Variants in CCDC172 observed in about 807,000 individuals in gnomAD.
The protein encoded by CCDC172 is coiled-coil domain-containing protein 172.
Under a neutral mutation model 38.0 loss-of-function variants are expected in CCDC172, and 30 were observed. The ratio of observed to expected loss-of-function variants is 0.79; its 90% CI spans 0.59 to 1.07. The LOEUF (loss-of-function observed/expected upper bound fraction) is 1.07. Among genes scored for constraint, CCDC172 ranks in the 50% least tolerant of loss-of-function variants. The probability of loss-of-function intolerance (pLI) is 0.00; values close to 1 mark genes in which losing one functional copy is unlikely to be tolerated. For missense variants in CCDC172, 297 were observed against 290.1 expected (o/e 1.02, Z -0.17); for synonymous variants, 78 against 88.3 (o/e 0.88, Z 0.66).
At position 116,332,409 on chromosome 10, in the gene CCDC172, A is replaced by T. The variant is rs200182073; in HGVS notation, c.165+7021A>T. The stretch of plus-strand genomic sequence containing the variant: ...GTCATTCTTGAGTTCTTATTTTTTT[A>T]TTTGTTTTTTGATGAGTCTGTAATT... On this transcript the variant is annotated intron_variant, in intron 3 of 8. Coordinates refer to ENST00000333254, the MANE Select transcript of CCDC172 (RefSeq NM_198515.3). Among the ~76,000 whole-genome samples, 13 of 151,924 alleles carry T rather than the reference A, an allele frequency of 8.6e-5. No homozygotes were observed. In the East Asian group the frequency reaches 2.5e-3, roughly 29 times the overall value.
intron 5 of CCDC172, among the ~76,000 whole-genome samples, chr10:116,345,430 G>T (rs922664162): frequency 6.6e-6 from 1 of 151,952 alleles, no homozygotes; most frequent in East Asian, 1.9e-4. Context: ...CTTGGAATAG[G>T]CAATGATTTC....
chr10:116,365,590 C>T (rs1325027872), intron 7 of CCDC172, among the ~76,000 whole-genome samples: 2 of 152,148 alleles, frequency 1.3e-5, no homozygotes, highest in African/African-American at 4.8e-5. Flanking sequence ...GGTTTTTATA[C>T]ATGTGTAAAT....
chr10:116,332,550 C>A (rs1844677349), intron 3 of CCDC172, among the ~76,000 whole-genome samples: 1 of 152,062 alleles, frequency 6.6e-6, no homozygotes, highest in Non-Finnish European at 1.5e-5. Flanking sequence ...TTGAGTCAAA[C>A]CTTTTTTTAC....
chr10:116,343,675 T>C (rs1368175173), intron 5 of CCDC172, among the ~76,000 whole-genome samples: 1 of 152,148 alleles, frequency 6.6e-6, no homozygotes, highest in Non-Finnish European at 1.5e-5. Flanking sequence ...AATACAGTGC[T>C]CTTAAAAACT....
At chr10:116,331,317 T>C (rs966660924) in intron 3 of CCDC172, among the ~76,000 whole-genome samples, 7 of 152,142 alleles carry the variant, frequency 4.6e-5, no homozygotes, top group Non-Finnish European at 8.8e-5. Flanking sequence ...GACCCAAAAA[T>C]TTGAGGCCCC....
Position 116,357,913 on chromosome 10 carries a change from C to G in CCDC172, c.628C>G (p.Pro210Ala). 1.3e-6 allele frequency: 2 copies of G among 1,574,792 alleles called. No individual in the cohort carries two copies. Among genetic ancestry groups the G allele is most frequent in the South Asian group, 1.2e-5 (1 of 86,462 alleles). ...AGAAAAAATAAAAATCAGTGAAAAG[C>G]CTCAAAATGATACAGAATGCTTAAG... The part of the protein sequence containing the change: ...EAEKIKISEK[P>A]QNDTECLRLK... The change falls in exon 7 of 9, where the codon CCT (proline) becomes GCT (alanine). Residue 210 changes from proline (P) to alanine (A), a missense_variant. Physicochemically the swap from Pro to Ala is conservative, Grantham distance 27. Coordinates refer to ENST00000333254, the MANE Select transcript of CCDC172 (RefSeq NM_198515.3).
chr10:116,338,887 A>G (rs1373675408), intron 3 of CCDC172, among the ~76,000 whole-genome samples: 2 of 152,098 alleles, frequency 1.3e-5, no homozygotes, highest in Non-Finnish European at 2.9e-5. Context: ...GATCAGTGGT[A>G]TACATGGACT....
chr10:116,346,317 TA>T (rs1844867103), intron 5 of CCDC172, among the ~76,000 whole-genome samples: 1 of 139,208 alleles, frequency 7.2e-6, no homozygotes, highest in South Asian at 2.2e-4. Context: ...AAAAAGGAAG[TA>T]AATGGTTAAA....
intron 3 of CCDC172, among the ~76,000 whole-genome samples, chr10:116,331,288 G>T (rs893252500): frequency 1.3e-5 from 2 of 151,992 alleles, no homozygotes; most frequent in Non-Finnish European, 2.9e-5. Flanking sequence ...TAATTTTTTA[G>T]ACTATGAAGA....
chr10:116,362,560 G>T lies in CCDC172; in HGVS notation c.653+4622G>T, dbSNP rs550055355. On this transcript the variant is annotated intron_variant, in intron 7 of 8. Coordinates refer to ENST00000333254, the MANE Select transcript of CCDC172 (RefSeq NM_198515.3). ...TAGAGTAATATGAATTGTTACCCAG[G>T]TTCCATTTATAAAATAGTCTACATT... 2.0e-5 allele frequency among the ~76,000 whole-genome samples: 3 copies of T among 152,218 alleles called. No homozygotes were observed. The South Asian group carries it at 6.2e-4, about 32-fold the overall frequency.
At position 116,342,310 on chromosome 10, in the gene CCDC172, A is replaced by G. The variant is rs1056334691; in HGVS notation, c.448+109A>G. ...TTTCATGAGCAAATTGGGTTATTGCATAGCGATTCTTTTACTTTTATTGAT... is the reference window on the plus strand; with the variant it reads ...TTTCATGAGCAAATTGGGTTATTGCGTAGCGATTCTTTTACTTTTATTGAT... On this transcript the variant is annotated intron_variant, in intron 5 of 8. Transcript: ENST00000333254. 7.3e-6 allele frequency: 6 copies of G among 827,290 alleles called. No homozygotes were observed. In the Admixed American group the frequency reaches 9.3e-5, roughly 13 times the overall value. 51.2% of individuals were successfully genotyped at this position (827,290 alleles called of 1,614,324 possible). A position where few individuals can be genotyped will look rare whatever the true frequency, so the allele number is the denominator to read the frequency against.
intron 7 of CCDC172, among the ~76,000 whole-genome samples, chr10:116,363,051 C>T (rs1488644265): frequency 2.0e-5 from 3 of 152,184 alleles, no homozygotes; most frequent in African/African-American, 7.2e-5. Context: ...TTTTATTATA[C>T]AAGCCATACA....
chr10:116,378,545 C>A lies in CCDC172; in HGVS notation c.741+35C>A, dbSNP rs142386782. 929 of 1,531,082 alleles carry A rather than the reference C, an allele frequency of 6.1e-4. 6 individuals are homozygous for A. The African/African-American group carries it at 0.012, about 19-fold the overall frequency. 94.8% of individuals were successfully genotyped at this position (1,531,082 alleles called of 1,614,324 possible). A position where few individuals can be genotyped will look rare whatever the true frequency, so the allele number is the denominator to read the frequency against. On this transcript the variant is annotated intron_variant, in intron 8 of 8. Transcript: ENST00000333254. ...CATTGATTGTTTAACTTTTGTTCAG[C>A]ATTATTTTACCTACTGGTAAGGAAC...
intron 3 of CCDC172, among the ~76,000 whole-genome samples, chr10:116,325,968 AAGT>A (rs1844586593): frequency 1.3e-5 from 2 of 152,174 alleles, no homozygotes; most frequent in South Asian, 4.1e-4. Flanking sequence ...AAATAGAAGG[AAGT>A]AGTAGGAGGA....
chr10:116,342,658 C>G (rs999903539), intron 5 of CCDC172, among the ~76,000 whole-genome samples: 1 of 152,052 alleles, frequency 6.6e-6, no homozygotes, highest in Non-Finnish European at 1.5e-5. Context: ...GTCTGTGTCC[C>G]CATGCAAATG....
In CCDC172 at chr10:116,357,426, A is replaced by T; in HGVS notation, c.495A>T (p.Gln165His). 6.3e-7 allele frequency: 1 copy of T among 1,585,676 alleles called. No homozygotes were observed. Among genetic ancestry groups the T allele is most frequent in the Non-Finnish European group, 8.6e-7 (1 of 1,168,502 alleles). The change falls in exon 6 of 9, where the codon CAA becomes CAT. Residue 165 changes from glutamine (Q) to histidine (H), a missense_variant. Physicochemically the swap from Gln to His is conservative, Grantham distance 24. Coordinates refer to ENST00000333254, the MANE Select transcript of CCDC172 (RefSeq NM_198515.3). Reference sequence around the variant, plus strand: ...ATAGTAGCCAGTTAAATGAACTTCAAAAACAAAAGAGTGAATTGATACAAG... The same window carrying T: ...ATAGTAGCCAGTTAAATGAACTTCATAAACAAAAGAGTGAATTGATACAAG... ...EHDSSQLNELQKQKSELIQEL... is the reference protein window; with the variant it reads ...EHDSSQLNELHKQKSELIQEL...
chr10:116,368,006 G>A (rs1845143987), intron 7 of CCDC172, among the ~76,000 whole-genome samples: 1 of 152,006 alleles, frequency 6.6e-6, no homozygotes, highest in Admixed American at 6.6e-5. Context: ...GTACTTATTT[G>A]TTCCTTTGAG....
chr10:116,330,514 A>G (rs751223703), intron 3 of CCDC172, among the ~76,000 whole-genome samples: 6 of 152,180 alleles, frequency 3.9e-5, no homozygotes, highest in Non-Finnish European at 8.8e-5. Context: ...ATAACATAGA[A>G]TGAAAAGTTC....
Position 116,325,329 on chromosome 10 carries a change from G to A in CCDC172, c.106G>A (p.Glu36Lys), listed in dbSNP as rs1234685092. ...EVRSEITRCR[E>K]KIKKATEELN... ...AAGGTCGGAAATAACCAGATGTCGT[G>A]AAAAAATTAAGAAAGCAACGGAGGA... Residue 36 changes from glutamate to lysine, a missense_variant, in exon 3 of 9, where the codon GAA (glutamate) becomes AAA (lysine). Physicochemically the swap from Glu to Lys is moderately conservative, Grantham distance 56 (BLOSUM62 1). Coordinates refer to ENST00000333254, the MANE Select transcript of CCDC172 (RefSeq NM_198515.3). 6.2e-7 allele frequency: 1 copy of A among 1,613,622 alleles called. No homozygotes were observed. Among genetic ancestry groups the A allele is most frequent in the Non-Finnish European group, 8.5e-7 (1 of 1,179,818 alleles).
Sources: gnomAD v4.1 joint callset for allele counts (sites outside exome capture counted in the v4.1 genomes callset) on GRCh38, gnomAD v4.1.1 for gene constraint, MANE v1.5 for transcripts, NCBI Gene and HGNC (gene_info 2026-07-23, HGNC 2026-07-21) for gene names.